Variants in SLC25A21 observed in about 807,000 individuals in gnomAD.
SLC25A21 encodes mitochondrial 2-oxodicarboxylate carrier.
Under a neutral mutation model 43.8 loss-of-function variants are expected in SLC25A21, and 47 were observed. The ratio of observed to expected loss-of-function variants is 1.07; its 90% CI spans 0.85 to 1.37. The LOEUF is 1.37. Ranked by LOEUF, SLC25A21 falls within the 40% of genes most tolerant of loss-of-function variation. SLC25A21 has a pLI of 0.00. For missense variants in SLC25A21, 352 were observed against 350.2 expected (o/e 1.00, Z -0.04); for synonymous variants, 131 against 121.3 (o/e 1.08, Z -0.52).
chr14:36,749,555 G>C (rs1008684), intron 3 of SLC25A21, among the ~76,000 whole-genome samples: 55,397 of 151,896 alleles, frequency 0.36, 10,641 homozygotes, highest in South Asian at 0.53. Context: ...ATCTCCCTCA[G>C]AGCAAAACCA....
intron 1 of SLC25A21, among the ~76,000 whole-genome samples, chr14:36,884,215 A>G (rs1008740061): frequency 2.0e-5 from 3 of 152,106 alleles, no homozygotes; most frequent in Non-Finnish European, 4.4e-5. Context: ...AAGATACTGC[A>G]TGTAAGTGCG....
At chr14:37,018,663 T>TGTCTACTCTTGCAGATTTCTC (rs1345846665) in intron 1 of SLC25A21, among the ~76,000 whole-genome samples, 1 of 151,990 alleles carries the variant, frequency 6.6e-6, no homozygotes, top group Non-Finnish European at 1.5e-5. Context: ...TCTGATTTCT[T>TGTCTACTCTTGCAGATTTCTC]GTCTACTCTT....
chr14:36,980,959 T>C (rs971094035), intron 1 of SLC25A21, among the ~76,000 whole-genome samples: 2 of 152,016 alleles, frequency 1.3e-5, no homozygotes, highest in African/African-American at 4.8e-5. Flanking sequence ...AGGGCTAATA[T>C]CCAGAATCTA....
At chr14:37,033,713 T>C (rs1352152394) in intron 1 of SLC25A21, among the ~76,000 whole-genome samples, 5 of 152,226 alleles carry the variant, frequency 3.3e-5, no homozygotes, top group Admixed American at 3.3e-4. Flanking sequence ...ATATTTTTAT[T>C]CCCTCAGTCT....
chr14:36,978,047 C>T (rs1959922988), intron 1 of SLC25A21, among the ~76,000 whole-genome samples: 2 of 151,516 alleles, frequency 1.3e-5, no homozygotes, highest in Non-Finnish European at 2.9e-5. Flanking sequence ...GGCTGGATAC[C>T]ACTTGGATAA....
chr14:37,031,872 T>A (rs1464897686), intron 1 of SLC25A21, among the ~76,000 whole-genome samples: 1 of 152,162 alleles, frequency 6.6e-6, no homozygotes, highest in Admixed American at 6.5e-5. Flanking sequence ...TCTTTTTCTT[T>A]GGGAAGTAAT....
At chr14:36,835,624 A>AC (rs1889182941) in intron 2 of SLC25A21, among the ~76,000 whole-genome samples, 1 of 152,216 alleles carries the variant, frequency 6.6e-6, no homozygotes, top group South Asian at 2.1e-4. Flanking sequence ...GATACAATTC[A>AC]TTTTTTACAA....
intron 1 of SLC25A21, among the ~76,000 whole-genome samples, chr14:37,074,685 T>C (rs1447275564): frequency 6.6e-6 from 1 of 151,776 alleles, no homozygotes; most frequent in East Asian, 1.9e-4. Context: ...TACAAAAAGT[T>C]AGCCAGGCGT....
intron 2 of SLC25A21, among the ~76,000 whole-genome samples, chr14:36,829,916 T>C (rs900142846): frequency 6.7e-6 from 1 of 150,022 alleles, no homozygotes; most frequent in African/African-American, 2.4e-5. Flanking sequence ...TGACTGATGT[T>C]GTCTGCTGTT....
intron 1 of SLC25A21, among the ~76,000 whole-genome samples, chr14:36,892,700 C>T (rs994809529): frequency 6.6e-6 from 1 of 151,970 alleles, no homozygotes; most frequent in South Asian, 2.1e-4. Context: ...CCTCCCCACT[C>T]CCCCAACCCC....
At chr14:37,016,077 T>C (rs1287601917) in intron 1 of SLC25A21, among the ~76,000 whole-genome samples, 1 of 152,150 alleles carries the variant, frequency 6.6e-6, no homozygotes. Context: ...TTGGCTTTTG[T>C]TGCCATTGCT....
At chr14:37,148,613 C>G (rs184583818) in intron 1 of SLC25A21, among the ~76,000 whole-genome samples, 11 of 152,268 alleles carry the variant, frequency 7.2e-5, no homozygotes, top group African/African-American at 2.6e-4. Flanking sequence ...ATAAGCAAAA[C>G]AGGTCTCAAT....
chr14:36,849,430 ATATT>A (rs1305468496), intron 2 of SLC25A21, among the ~76,000 whole-genome samples: 1 of 152,246 alleles, frequency 6.6e-6, no homozygotes, highest in Non-Finnish European at 1.5e-5. Flanking sequence ...AAGGGCTTAT[ATATT>A]TATGTTTCAT....
In SLC25A21 at chr14:36,734,582, G is replaced by A; in HGVS notation, c.204-9C>T. The A allele has an allele frequency of 6.3e-7, 1 of 1,593,518 alleles. No individual in the cohort carries two copies. Among genetic ancestry groups the A allele is most frequent in the Non-Finnish European group, 8.6e-7 (1 of 1,168,178 alleles). On this transcript the variant is annotated splice_polypyrimidine_tract_variant and intron_variant, in intron 3 of 9. Coordinates refer to ENST00000331299, the MANE Select transcript of SLC25A21 (RefSeq NM_030631.4). ...TGTAAAAACCAAATAACCTGTTGGA[G>A]AAATAAAAGATTTCCTATGAGTAAG... is the stretch of plus-strand genomic sequence containing the variant.
At chr14:36,693,322 T>C (rs918069441) in intron 7 of SLC25A21, among the ~76,000 whole-genome samples, 3 of 152,130 alleles carry the variant, frequency 2.0e-5, no homozygotes, top group South Asian at 4.1e-4. Flanking sequence ...TGTGAACATA[T>C]GGCAGCCTGA....
intron 2 of SLC25A21, among the ~76,000 whole-genome samples, chr14:36,868,949 G>A (rs957262917): frequency 1.3e-5 from 2 of 152,156 alleles, no homozygotes; most frequent in Non-Finnish European, 2.9e-5. Flanking sequence ...TCTCCCACTG[G>A]AGAGACCTAC....
chr14:36,989,456 T>A (rs891413248), intron 1 of SLC25A21, among the ~76,000 whole-genome samples: 1 of 151,982 alleles, frequency 6.6e-6, no homozygotes, highest in African/African-American at 2.4e-5. Context: ...TATACAATAG[T>A]GGAGGTATGA....
chr14:37,003,062 C>G (rs1395377335), intron 1 of SLC25A21, among the ~76,000 whole-genome samples: 2 of 152,130 alleles, frequency 1.3e-5, no homozygotes, highest in South Asian at 4.1e-4. Flanking sequence ...TCCGAGACCC[C>G]CCAGCGGATG....
At chr14:36,976,626 G>C (rs10483481) in intron 1 of SLC25A21, among the ~76,000 whole-genome samples, 70,482 of 151,944 alleles carry the variant, frequency 0.46, 18,014 homozygotes, top group African/African-American at 0.69. Flanking sequence ...ACCTCTCTTA[G>C]TACCAGGAGC....
Sources: allele counts gnomAD v4.1 joint callset (sites outside exome capture counted in the v4.1 genomes callset), GRCh38; gene constraint gnomAD v4.1.1; transcripts MANE v1.5; gene names NCBI Gene and HGNC (gene_info 2026-07-23, HGNC 2026-07-21).